TRDMT1: variants seen among roughly 807,000 people sequenced by gnomAD.
TRDMT1 encodes the protein tRNA (cytosine(38)-C(5))-methyltransferase.
A neutral mutation model predicts 51.2 loss-of-function variants in TRDMT1; 49 were observed. The ratio of observed to expected loss-of-function variants is 0.96; its 90% CI spans 0.76 to 1.21. The LOEUF is 1.21. Among genes scored for constraint, TRDMT1 ranks in the 50% most tolerant of loss-of-function variants. The pLI, the probability that TRDMT1 is intolerant of heterozygous loss-of-function variation, is 0.00. For missense variants in TRDMT1, 534 were observed against 462.3 expected (o/e 1.16, Z -1.42); for synonymous variants, 187 against 164.6 (o/e 1.14, Z -1.04).
chr10:17,178,270 G>C (rs1373208752), intron 1 of TRDMT1, among the ~76,000 whole-genome samples: 1 of 152,160 alleles, frequency 6.6e-6, no homozygotes, highest in African/African-American at 2.4e-5. Flanking sequence ...TGCTGGCTTA[G>C]TTAGGAATAA....
chr10:17,142,220 A>G lies in TRDMT1; in HGVS notation c.*6820T>C, dbSNP rs541735563. ...TTTCTGGTTCTTGGTATGACAGGCT[A>G]TTTTACATCGTATCCTGAACCTTTT... On this transcript the variant is annotated 3_prime_UTR_variant, in exon 11 of 11. Coordinates refer to ENST00000377799, the MANE Select transcript of TRDMT1 (RefSeq NM_004412.7). The G allele has an allele frequency of 6.6e-6, 1 of 152,166 alleles. No individual in the cohort carries two copies. Among genetic ancestry groups the G allele is most frequent in the East Asian group, 1.9e-4 (1 of 5,178 alleles). 9.4% of individuals were successfully genotyped at this position (152,166 alleles called of 1,614,324 possible).
At chr10:17,201,469 G>GTGTCCGCCCCACAC in intron 1 of TRDMT1, 102 bp downstream of exon 1, 1 of 1,291,748 alleles carries the variant, frequency 7.7e-7, no homozygotes, top group Non-Finnish European at 1.1e-6. Context: ...CCGCCCCACA[G>GTGTCCGCCCCACAC]TGTCCGCCCC....
At chr10:17,186,779 A>C (rs1451095125) in intron 1 of TRDMT1, among the ~76,000 whole-genome samples, 3 of 152,214 alleles carry the variant, frequency 2.0e-5, no homozygotes, top group Admixed American at 2.0e-4. Context: ...GAATGATCTG[A>C]ATGTCCCAGA....
rs764594934 is a variant in TRDMT1 at position 17,140,711 on chromosome 10, C to T, written c.*8329G>A. 7.8e-6 allele frequency among the ~76,000 whole-genome samples: 1 copy of T among 128,946 alleles called. No homozygotes were observed. The highest frequency in any genetic ancestry group is 2.8e-4 in the South Asian group (1 of 3,590). The allele number at this position is 128,946 out of a possible 152,430, so 84.6% of individuals were successfully genotyped here. On this transcript the variant is annotated 3_prime_UTR_variant, in exon 11 of 11. Transcript: ENST00000377799. ...TTTAAATGATAAAACTAATATTATG[C>T]CACATTGATGAAAACAAAAACAACA...
chr10:17,177,713 AACAC>A lies in TRDMT1; in HGVS notation c.65-3057_65-3054del, dbSNP rs372220525. ...ATGCTTCTTACAAAAATAGACAAGA[AACAC>A]ACACACACACACACACACACACACA... On this transcript the variant is annotated intron_variant, in intron 1 of 10. Coordinates refer to ENST00000377799, the MANE Select transcript of TRDMT1 (RefSeq NM_004412.7). Among the ~76,000 whole-genome samples the A allele has an allele frequency of 7.9e-3, 1,160 of 147,134 alleles. 20 individuals are homozygous for A. The highest frequency in any genetic ancestry group is 0.027 in the African/African-American group (1,071 of 39,842).
At chr10:17,162,027 G>T in intron 4 of TRDMT1, 139 bp downstream of exon 4, 1 of 748,916 alleles carries the variant, frequency 1.3e-6, no homozygotes, top group Non-Finnish European at 2.3e-6. Flanking sequence ...AGTCATGGTA[G>T]GAGAAGATAA....
Position 17,148,573 on chromosome 10 carries a change from G to A in TRDMT1, c.*467C>T, listed in dbSNP as rs909130545. The stretch of plus-strand genomic sequence containing the variant: ...ACATATCATATGCATTTGTTTAGAT[G>A]AAATAAAGAAATATTTACAGGATTG... On this transcript the variant is annotated 3_prime_UTR_variant, in exon 11 of 11. Transcript: ENST00000377799. 99 of 975,852 alleles carry A rather than the reference G, an allele frequency of 1.0e-4. No homozygotes were observed. The highest frequency in any genetic ancestry group is 9.2e-4 in the Admixed American group (15 of 16,240). 60.4% of individuals were successfully genotyped at this position (975,852 alleles called of 1,614,324 possible). A position where few individuals can be genotyped will look rare whatever the true frequency, so the allele number is the denominator to read the frequency against.
chr10:17,151,018 T>C (rs1838638012), intron 10 of TRDMT1: 7 of 975,684 alleles, frequency 7.2e-6, no homozygotes, highest in Non-Finnish European at 8.5e-6. Flanking sequence ...TGTGTGTGTG[T>C]GTGCGTGCAT....
chr10:17,153,125 A>G, intron 10 of TRDMT1: 1 of 301,854 alleles, frequency 3.3e-6, no homozygotes, highest in Non-Finnish European at 6.1e-6. Context: ...ATTTATAAAA[A>G]GCCAATCGAA....
rs971017377 is a variant in TRDMT1, at chr10:17,142,444, AAAG to A, written c.*6593_*6595del. On this transcript the variant is annotated 3_prime_UTR_variant, in exon 11 of 11. Coordinates refer to ENST00000377799, the MANE Select transcript of TRDMT1 (RefSeq NM_004412.7). ...GGTCCTTCATGATGCTACTTTAGGG[AAAG>A]AAGGATTTTCTCCCAAGCCAGGTCC... 9.2e-5 allele frequency: 14 copies of A among 152,094 alleles called. No homozygotes were observed. The highest frequency in any genetic ancestry group is 3.4e-4 in the African/African-American group (14 of 41,382). 9.4% of individuals were successfully genotyped at this position (152,094 alleles called of 1,614,324 possible).
chr10:17,139,295 A>C lies in TRDMT1; in HGVS notation c.*9745T>G. 1.3e-6 allele frequency: 1 copy of C among 798,096 alleles called. No homozygotes were observed. Among genetic ancestry groups the C allele is most frequent in the Non-Finnish European group, 1.5e-6 (1 of 658,844 alleles). The allele number at this position is 798,096 out of a possible 1,614,324, so 49.4% of individuals were successfully genotyped here. A position where few individuals can be genotyped will look rare whatever the true frequency, so the allele number is the denominator to read the frequency against. On this transcript the variant is annotated 3_prime_UTR_variant, in exon 11 of 11. Transcript: ENST00000377799. ...AATATTTAGACACCATTCATACGAT[A>C]ATCAAAGGAAAATGTCTGATTGCAC...
chr10:17,149,442 G>C (rs1023659562), intron 10 of TRDMT1, among the ~76,000 whole-genome samples: 5 of 152,014 alleles, frequency 3.3e-5, no homozygotes, highest in African/African-American at 1.2e-4. Context: ...AAAAAGCTGT[G>C]GCTGCTATTA....
chr10:17,171,110 G>GGTGTGT (rs1564302038), intron 2 of TRDMT1, among the ~76,000 whole-genome samples: 1 of 82,764 alleles, frequency 1.2e-5, no homozygotes, highest in Non-Finnish European at 2.8e-5. Flanking sequence ...ACTGGATTTA[G>GGTGTGT]ATGTGTGTGT....
rs564128731 is a variant in TRDMT1, at chr10:17,141,918, C to T, written c.*7122G>A. Among the ~76,000 whole-genome samples the T allele has an allele frequency of 2.6e-5, 4 of 152,316 alleles. No individual in the cohort carries two copies. The highest frequency in any genetic ancestry group is 6.5e-5 in the Admixed American group (1 of 15,302). On this transcript the variant is annotated 3_prime_UTR_variant, in exon 11 of 11. Coordinates refer to ENST00000377799, the MANE Select transcript of TRDMT1 (RefSeq NM_004412.7). ...CAGGATCTAATCAAATTATCTGTTA[C>T]CACAGAATGTTTTCTATTTTGGTTA...
intron 3 of TRDMT1, among the ~76,000 whole-genome samples, chr10:17,165,373 G>C (rs1841041584): frequency 6.6e-6 from 1 of 152,174 alleles, no homozygotes; most frequent in African/African-American, 2.4e-5. Context: ...ATTAATTCAA[G>C]ATGGATTAAA....
In TRDMT1 at chr10:17,162,246, G is replaced by GC; in HGVS notation, c.252-10_252-9insG. On this transcript the variant is annotated splice_polypyrimidine_tract_variant and intron_variant, in intron 3 of 10. Coordinates refer to ENST00000377799, the MANE Select transcript of TRDMT1 (RefSeq NM_004412.7). ...CACCCTGCCGGCCAATCCTAAAGGG[G>GC]TAAAAAAAAAAAAAAACAAAAAAAA... is the stretch of plus-strand genomic sequence containing the variant. The GC allele has an allele frequency of 7.0e-7, 1 of 1,422,796 alleles. No homozygotes were observed. Among genetic ancestry groups the GC allele is most frequent in the Non-Finnish European group, 9.2e-7 (1 of 1,082,278 alleles). 88.1% of individuals were successfully genotyped at this position (1,422,796 alleles called of 1,614,324 possible).
Position 17,146,694 on chromosome 10 carries a change from G to T in TRDMT1, c.*2346C>A, listed in dbSNP as rs146910247. ...TTACACATAGTTCTCCTGAAAATGA[G>T]AAGCTATGTTTTCCAACATCTGAAT... On this transcript the variant is annotated 3_prime_UTR_variant, in exon 11 of 11. Transcript: ENST00000377799. 1.9e-3 allele frequency: 1,858 copies of T among 985,384 alleles called. 32 individuals are homozygous for T. The African/African-American group carries it at 0.03, about 16-fold the overall frequency. The allele number at this position is 985,384 out of a possible 1,614,324, so 61.0% of individuals were successfully genotyped here.
Position 17,147,072 on chromosome 10 carries a change from GAC to G in TRDMT1, c.*1966_*1967del, listed in dbSNP as rs755156635. 3.7e-5 allele frequency: 36 copies of G among 985,518 alleles called. No homozygotes were observed. The highest frequency in any genetic ancestry group is 4.2e-5 in the Non-Finnish European group (35 of 829,880). 61.0% of individuals were successfully genotyped at this position (985,518 alleles called of 1,614,324 possible). On this transcript the variant is annotated 3_prime_UTR_variant, in exon 11 of 11. Coordinates refer to ENST00000377799, the MANE Select transcript of TRDMT1 (RefSeq NM_004412.7). ...ATTTATAGTTGGTGCACAGTAACTCGACACTTATTTTGTATAATGTTGCTCAA... is the reference window on the plus strand; with the variant it reads ...ATTTATAGTTGGTGCACAGTAACTCGACTTATTTTGTATAATGTTGCTCAA...
At position 17,148,786 on chromosome 10, in the gene TRDMT1, C is replaced by T. The variant is rs997714652; in HGVS notation, c.*254G>A. On this transcript the variant is annotated 3_prime_UTR_variant, in exon 11 of 11. Coordinates refer to ENST00000377799, the MANE Select transcript of TRDMT1 (RefSeq NM_004412.7). ...AAAATTGTTTTTAAAAAGAATATTC[C>T]ACATATATATTTATCAGTTTCATAT... is the stretch of plus-strand genomic sequence containing the variant. 4.1e-5 allele frequency: 43 copies of T among 1,046,946 alleles called. No individual in the cohort carries two copies. Among genetic ancestry groups the T allele is most frequent in the Non-Finnish European group, 4.3e-5 (37 of 857,952 alleles). 64.9% of individuals were successfully genotyped at this position (1,046,946 alleles called of 1,614,324 possible).
Sources: gnomAD v4.1 joint callset for allele counts (sites outside exome capture counted in the v4.1 genomes callset) on GRCh38, gnomAD v4.1.1 for gene constraint, MANE v1.5 for transcripts, NCBI Gene and HGNC (gene_info 2026-07-23, HGNC 2026-07-21) for gene names.